The following CAST variants were observed in gnomAD, a reference collection of about 807,000 sequenced individuals.
CAST encodes MIR583 host.
CAST carries 76 observed loss-of-function variants against 119.6 expected under a neutral mutation model. The observed-to-expected ratio is 0.64, with a 90% CI of 0.53 to 0.77. CAST has a LOEUF of 0.77. Ranked by LOEUF, CAST falls within the 30% of genes least tolerant of loss-of-function variation. CAST has a pLI of 0.00. For synonymous variants in CAST, 319 were observed against 331.6 expected, an observed-to-expected ratio of 0.96 and a Z score of 0.41; for missense variants, 953 against 946.5, an observed-to-expected ratio of 1.01 and a Z score of -0.09.
At chr5:96,726,979 T>C in intron 5 of CAST, 120 bp downstream of exon 5, 2 of 695,864 alleles carry the variant, frequency 2.9e-6, no homozygotes, top group South Asian at 1.9e-5. Flanking sequence ...ATCATGGACT[T>C]TCTGTAGGCT....
intron 1 of CAST, among the ~76,000 whole-genome samples, chr5:96,566,418 T>C (rs1746470515): frequency 6.6e-6 from 1 of 152,240 alleles, no homozygotes; most frequent in Non-Finnish European, 1.5e-5. Flanking sequence ...GACAAGGTGA[T>C]GCTAATCTAT....
chr5:96,002,869 C>A, the CAST span, among the ~76,000 whole-genome samples: 1 of 152,170 alleles, frequency 6.6e-6, no homozygotes, highest in African/African-American at 2.4e-5. Context: ...CTATTTAACT[C>A]ATTTTCTCTC....
At chr5:96,615,035 T>C (rs1467461209) in intron 1 of CAST, among the ~76,000 whole-genome samples, 2 of 152,208 alleles carry the variant, frequency 1.3e-5, no homozygotes, top group Non-Finnish European at 2.9e-5. Flanking sequence ...AGAAATCATA[T>C]GCATTCAGTA....
the CAST span, chr5:96,412,496 A>G: frequency 3.1e-6 from 5 of 1,612,880 alleles, no homozygotes; most frequent in Non-Finnish European, 4.2e-6. Context: ...TATGCCTGAG[A>G]AACAAAATAA....
At chr5:96,662,231 G>C (rs1748602354), upstream of CAST, 1 of 593,750 alleles carries the variant, frequency 1.7e-6, no homozygotes, top group African/African-American at 2.0e-5. Flanking sequence ...CGGGCAGGAA[G>C]GGGAGGGCCC....
chr5:96,708,185 A>T (rs1755404550), intron 3 of CAST, among the ~76,000 whole-genome samples: 1 of 152,202 alleles, frequency 6.6e-6, no homozygotes, highest in South Asian at 2.1e-4. Context: ...GACATGCGTT[A>T]TTTTATAGCA....
chr5:96,099,559 T>G, the CAST span, among the ~76,000 whole-genome samples: 3 of 152,134 alleles, frequency 2.0e-5, no homozygotes, highest in Non-Finnish European at 2.9e-5. Context: ...TATCAAAAGG[T>G]TTTTCTGCAT....
chr5:96,268,668 A>G, the CAST span, among the ~76,000 whole-genome samples: 1 of 152,190 alleles, frequency 6.6e-6, no homozygotes, highest in East Asian at 1.9e-4. Flanking sequence ...ACCCAAATAT[A>G]TCCTGTCTAC....
At chr5:96,713,289 G>A (rs1671085112) in intron 3 of CAST, among the ~76,000 whole-genome samples, 1 of 151,894 alleles carries the variant, frequency 6.6e-6, no homozygotes, top group Non-Finnish European at 1.5e-5. Context: ...GTGCCACCAT[G>A]CCCAGCTAAC....
the CAST span, among the ~76,000 whole-genome samples, chr5:96,357,373 A>G: frequency 4.6e-5 from 7 of 152,198 alleles, no homozygotes; most frequent in Admixed American, 6.5e-5. Flanking sequence ...ACTATGTTTA[A>G]TAGAAGTGGT....
rs753914149 is a variant in CAST at position 96,748,510 on chromosome 5, T to C, written c.1333-8T>C. The C allele has an allele frequency of 2.1e-6, 3 of 1,443,816 alleles. No homozygotes were observed. The highest frequency in any genetic ancestry group is 1.8e-5 in the Admixed American group (1 of 56,680). 89.4% of individuals were successfully genotyped at this position (1,443,816 alleles called of 1,614,324 possible). ...CCCTTGTAATATACAGCACTTCTTA[T>C]ATTACAGCCTCGGAGTGAATCAGAA... On this transcript the variant is annotated splice_polypyrimidine_tract_variant and splice_region_variant and intron_variant, in intron 18 of 31. Transcript: ENST00000675179.
the CAST span, chr5:95,986,256 A>G: frequency 6.6e-6 from 1 of 152,262 alleles, no homozygotes; most frequent in East Asian, 1.9e-4. Flanking sequence ...GCTTCAGAAC[A>G]TACGCAGTCT....
chr5:96,767,424 G>T lies in CAST; in HGVS notation c.2131-14G>T. 1 of 1,608,156 alleles carries T rather than the reference G, an allele frequency of 6.2e-7. No individual in the cohort carries two copies. Among genetic ancestry groups the T allele is most frequent in the Non-Finnish European group, 8.5e-7 (1 of 1,174,968 alleles). Reference sequence around the variant, plus strand: ...GATATCTATGCTTAACCAATAGTCTGCCTTCTTTTTAAGGACAAACCAGTG... The same window carrying T: ...GATATCTATGCTTAACCAATAGTCTTCCTTCTTTTTAAGGACAAACCAGTG... On this transcript the variant is annotated splice_polypyrimidine_tract_variant and intron_variant, in intron 27 of 31. Coordinates refer to ENST00000675179, the MANE Select transcript of CAST (RefSeq NM_001750.7).
chr5:96,669,360 C>G (rs761848949), intron 1 of CAST, among the ~76,000 whole-genome samples: 32 of 152,124 alleles, frequency 2.1e-4, no homozygotes, highest in Non-Finnish European at 3.8e-4. Context: ...TCTCTTTTGT[C>G]TAGTTTACTG....
At chr5:96,172,380 C>T in the CAST span, among the ~76,000 whole-genome samples, 1 of 152,186 alleles carries the variant, frequency 6.6e-6, no homozygotes, top group Non-Finnish European at 1.5e-5. Flanking sequence ...GTGCAGGTCA[C>T]AGGGGATATG....
chr5:96,582,164 T>G lies in CAST; in HGVS notation c.60+52284T>G, dbSNP rs191837841. The stretch of plus-strand genomic sequence containing the variant: ...TGACTCTAAAACATATGTCTACAAA[T>G]TAGGCAGAGTGACCTTCTTATGGTA... On this transcript the variant is annotated intron_variant, in intron 1 of 11. Coordinates refer to the CAST transcript ENST00000505143. Among the ~76,000 whole-genome samples, 168 of 152,168 alleles carry G rather than the reference T, an allele frequency of 1.1e-3. 1 individual carries two copies. Among genetic ancestry groups the G allele is most frequent in the Admixed American group, 1.3e-3 (20 of 15,262 alleles).
At chr5:95,991,164 G>T in the CAST span, among the ~76,000 whole-genome samples, 1 of 152,118 alleles carries the variant, frequency 6.6e-6, no homozygotes, top group African/African-American at 2.4e-5. Flanking sequence ...TTTTCATAAA[G>T]AATTAAATAT....
At chr5:96,739,788 T>C (rs1762333776) in intron 11 of CAST, among the ~76,000 whole-genome samples, 1 of 152,228 alleles carries the variant, frequency 6.6e-6, no homozygotes, top group East Asian at 1.9e-4. Flanking sequence ...GAAAACAAAA[T>C]GTATTTAGAA....
intron 1 of CAST, among the ~76,000 whole-genome samples, chr5:96,653,397 T>C (rs1030068247): frequency 5.9e-5 from 9 of 152,342 alleles, no homozygotes; most frequent in Non-Finnish European, 1.2e-4. Flanking sequence ...AAGAGAACAA[T>C]TGAGTTGTTG....
Sources: gnomAD v4.1 joint callset for allele counts (sites outside exome capture counted in the v4.1 genomes callset) on GRCh38, gnomAD v4.1.1 for gene constraint, MANE v1.5 for transcripts, NCBI Gene and HGNC (gene_info 2026-07-23, HGNC 2026-07-21) for gene names.